PBX3: variants seen among roughly 807,000 people sequenced by gnomAD.
The protein encoded by PBX3 is PBX homeobox 3, also known as pre-B-cell leukemia transcription factor 3.
A neutral mutation model predicts 48.5 loss-of-function variants in PBX3; 14 were observed. That is an observed-to-expected ratio of 0.29 (90% CI 0.19 to 0.45). The LOEUF is 0.45. Ranked by LOEUF, PBX3 falls within the 20% of genes least tolerant of loss-of-function variation. PBX3 has a pLI of 1.00. For missense variants in PBX3, 386 were observed against 546.7 expected (o/e 0.71, Z 2.93); for synonymous variants, 210 against 200.3 (o/e 1.05, Z -0.41).
intron 5 of PBX3, among the ~76,000 whole-genome samples, chr9:125,958,216 C>CT (rs34972149): frequency 0.63 from 95,780 of 151,984 alleles, 31,708 homozygotes; most frequent in East Asian, 0.77. Context: ...CTCCACTGAC[C>CT]CCAGAGCTAG....
chr9:125,799,693 T>G (rs967676930), intron 2 of PBX3, among the ~76,000 whole-genome samples: 4 of 152,220 alleles, frequency 2.6e-5, no homozygotes, highest in Admixed American at 2.6e-4. Flanking sequence ...TAGAGCAGAT[T>G]CAGCATTAGC....
At chr9:125,850,062 A>G (rs754085787) in intron 2 of PBX3, among the ~76,000 whole-genome samples, 23 of 151,982 alleles carry the variant, frequency 1.5e-4, no homozygotes, top group Non-Finnish European at 2.2e-4. Context: ...GTCCTTAAAT[A>G]TATATTTAGA....
At chr9:125,803,573 G>T (rs1202126406) in intron 2 of PBX3, among the ~76,000 whole-genome samples, 1 of 152,032 alleles carries the variant, frequency 6.6e-6, no homozygotes, top group East Asian at 1.9e-4. Flanking sequence ...TTTAGAATAT[G>T]CTTTCAATCC....
intron 4 of PBX3, among the ~76,000 whole-genome samples, chr9:125,930,803 C>T (rs553924536): frequency 1.3e-5 from 2 of 152,186 alleles, no homozygotes; most frequent in African/African-American, 4.8e-5. Flanking sequence ...AGCCCATCCT[C>T]CATATCCCTT....
intron 2 of PBX3, among the ~76,000 whole-genome samples, chr9:125,876,834 G>A (rs1210261336): frequency 1.3e-5 from 2 of 149,362 alleles, no homozygotes; most frequent in Admixed American, 6.7e-5. Context: ...ACGAAGGCTG[G>A]AGTGCAGTGG....
chr9:125,773,096 C>G (rs2132007009), intron 2 of PBX3, among the ~76,000 whole-genome samples: 1 of 152,180 alleles, frequency 6.6e-6, no homozygotes, highest in East Asian at 1.9e-4. Context: ...TGGGTTCAAA[C>G]AAGGGATTGA....
At chr9:125,961,117 G>C (rs1320580649) in intron 6 of PBX3, among the ~76,000 whole-genome samples, 1 of 152,250 alleles carries the variant, frequency 6.6e-6, no homozygotes, top group African/African-American at 2.4e-5. Context: ...ATTAGGCAGA[G>C]TGCTATCGCT....
chr9:125,803,501 C>A (rs1214937261), intron 2 of PBX3, among the ~76,000 whole-genome samples: 1 of 152,126 alleles, frequency 6.6e-6, no homozygotes, highest in Non-Finnish European at 1.5e-5. Context: ...TCTCCTTTAA[C>A]TTGGAACAAT....
chr9:125,851,424 T>C (rs535121613), intron 2 of PBX3, among the ~76,000 whole-genome samples: 66 of 152,136 alleles, frequency 4.3e-4, no homozygotes, highest in African/African-American at 1.5e-3. Context: ...TCAATGAAAA[T>C]AGAAAGTCCG....
At chr9:125,825,251 T>A (rs1838774074) in intron 2 of PBX3, among the ~76,000 whole-genome samples, 1 of 152,092 alleles carries the variant, frequency 6.6e-6, no homozygotes, top group African/African-American at 2.4e-5. Flanking sequence ...GCTACTGCAC[T>A]CCAGACTGGG....
chr9:125,820,209 T>G (rs1366817462), intron 2 of PBX3, among the ~76,000 whole-genome samples: 2 of 152,226 alleles, frequency 1.3e-5, no homozygotes, highest in East Asian at 3.9e-4. Context: ...CTACTCTGAA[T>G]TTTGACTTAC....
At chr9:125,797,785 C>G (rs1362314219) in intron 2 of PBX3, among the ~76,000 whole-genome samples, 2 of 152,072 alleles carry the variant, frequency 1.3e-5, no homozygotes, top group Non-Finnish European at 2.9e-5. Context: ...CTTGTTCATT[C>G]TACATATCTG....
intron 2 of PBX3, among the ~76,000 whole-genome samples, chr9:125,859,913 G>A (rs1475892685): frequency 6.6e-6 from 1 of 152,146 alleles, no homozygotes; most frequent in Non-Finnish European, 1.5e-5. Context: ...TGCCTCTCCG[G>A]TGCTCAAATG....
chr9:125,781,528 G>A (rs1252755993), intron 2 of PBX3, among the ~76,000 whole-genome samples: 1 of 144,140 alleles, frequency 6.9e-6, no homozygotes, highest in African/African-American at 2.6e-5. Flanking sequence ...GGGAGAGGGT[G>A]ACCGAGAGGG....
At chr9:125,819,053 C>G (rs1838567224) in intron 2 of PBX3, among the ~76,000 whole-genome samples, 1 of 151,478 alleles carries the variant, frequency 6.6e-6, no homozygotes, top group African/African-American at 2.4e-5. Flanking sequence ...CCAGGCTAGT[C>G]TCGAACTCCT....
intron 2 of PBX3, among the ~76,000 whole-genome samples, chr9:125,774,203 C>T (rs1837013760): frequency 2.0e-5 from 3 of 152,160 alleles, no homozygotes; most frequent in Non-Finnish European, 2.9e-5. Flanking sequence ...AGCTGCTACA[C>T]ACTTTTAACA....
chr9:125,777,046 C>G (rs568078451), intron 2 of PBX3, among the ~76,000 whole-genome samples: 1 of 148,766 alleles, frequency 6.7e-6, no homozygotes, highest in South Asian at 2.1e-4. Context: ...GTCTCTGTCA[C>G]CAGGCTGGAG....
chr9:125,953,502 T>C (rs958220206), intron 5 of PBX3, among the ~76,000 whole-genome samples: 1 of 150,630 alleles, frequency 6.6e-6, no homozygotes, highest in Non-Finnish European at 1.5e-5. Flanking sequence ...AGGACTGTGG[T>C]GGATATCTTT....
chr9:125,747,380 C>CTCG lies in PBX3; in HGVS notation c.-70_-68dup, dbSNP rs1836213403. ...CCCCTCCCCCTCTTTCTTCTCCTCC[C>CTCG]TCGTCGCCGCCGCCGCCGCCGCCGC... On this transcript the variant is annotated 5_prime_UTR_variant, in exon 1 of 9. Transcript: ENST00000373489. 11 of 883,186 alleles carry CTCG rather than the reference C, an allele frequency of 1.2e-5. No homozygotes were observed. Among genetic ancestry groups the CTCG allele is most frequent in the East Asian group, 3.5e-5 (1 of 28,378 alleles). The allele number at this position is 883,186 out of a possible 1,614,324, so 54.7% of individuals were successfully genotyped here. A position where few individuals can be genotyped will look rare whatever the true frequency, so the allele number is the denominator to read the frequency against.
Sources: allele counts gnomAD v4.1 joint callset (sites outside exome capture counted in the v4.1 genomes callset), GRCh38; gene constraint gnomAD v4.1.1; transcripts MANE v1.5; gene names NCBI Gene and HGNC (gene_info 2026-07-23, HGNC 2026-07-21).